Variants in RAB3IL1 observed in about 807,000 individuals in gnomAD.
RAB3IL1 encodes RAB3A interacting protein like 1.
A neutral mutation model predicts 49.2 loss-of-function variants in RAB3IL1; 37 were observed. The ratio of observed to expected loss-of-function variants is 0.75; its 90% CI spans 0.58 to 0.99. The LOEUF is 0.99. Ranked by LOEUF, RAB3IL1 falls within the 50% of genes least tolerant of loss-of-function variation. The probability of loss-of-function intolerance (pLI) is 0.00; values close to 1 mark genes in which losing one functional copy is unlikely to be tolerated. For synonymous variants in RAB3IL1, 193 were observed against 213.9 expected (o/e 0.90, Z 0.85); for missense variants, 484 against 513.0 (o/e 0.94, Z 0.55).
At chr11:61,942,166 G>A in the RAB3IL1 span, among the ~76,000 whole-genome samples, 11 of 152,208 alleles carry the variant, frequency 7.2e-5, no homozygotes, top group Middle Eastern at 3.4e-3. Flanking sequence ...AGCCATGATC[G>A]CACCACTGCA....
chr11:61,914,238 T>C (rs1164571766), intron 1 of RAB3IL1, among the ~76,000 whole-genome samples: 1 of 152,198 alleles, frequency 6.6e-6, no homozygotes, highest in Non-Finnish European at 1.5e-5. Context: ...TGATGGCCCC[T>C]ACAGCCCTGC....
At chr11:61,933,478 C>T in the RAB3IL1 span, among the ~76,000 whole-genome samples, 12 of 152,208 alleles carry the variant, frequency 7.9e-5, no homozygotes, top group South Asian at 1.7e-3. Flanking sequence ...TGATTTTGGA[C>T]ATCCTGGCCT....
chr11:61,919,724 C>T (rs1227320320), upstream of RAB3IL1, among the ~76,000 whole-genome samples: 1 of 152,220 alleles, frequency 6.6e-6, no homozygotes, highest in Admixed American at 6.5e-5. Flanking sequence ...CTCTATCTCC[C>T]TCTGCCTGCT....
chr11:61,930,142 T>G, the RAB3IL1 span, among the ~76,000 whole-genome samples: 1 of 151,994 alleles, frequency 6.6e-6, no homozygotes, highest in African/African-American at 2.4e-5. Flanking sequence ...GTGATACACC[T>G]GCCTCAGCCT....
the RAB3IL1 span, among the ~76,000 whole-genome samples, chr11:61,934,446 G>GTGTGTGTATATATATATATA: frequency 8.2e-5 from 2 of 24,406 alleles, no homozygotes; most frequent in South Asian, 4.6e-3. Flanking sequence ...GTGTGTGTGT[G>GTGTGTGTATATATATATATA]TATGTATATA....
At chr11:61,904,181 TGG>T (rs1417585980) in intron 7 of RAB3IL1, among the ~76,000 whole-genome samples, 2 of 152,082 alleles carry the variant, frequency 1.3e-5, no homozygotes, top group Non-Finnish European at 2.9e-5. Context: ...TGCTCCACCC[TGG>T]CTATTTTGTT....
rs1938978367 is a variant in RAB3IL1 at position 61,902,628 on chromosome 11, A to G, written c.900-87T>C. 3 of 1,235,514 alleles carry G rather than the reference A, an allele frequency of 2.4e-6. No homozygotes were observed. The East Asian group carries it at 7.7e-5, about 32-fold the overall frequency. The allele number at this position is 1,235,514 out of a possible 1,614,324, so 76.5% of individuals were successfully genotyped here. A position where few individuals can be genotyped will look rare whatever the true frequency, so the allele number is the denominator to read the frequency against. Reference sequence around the variant, plus strand: ...GCATACAGGGAAGATGCAGCAGCTGAGAGGATGCATGGGGAGGGGCAGGCC... The same window carrying G: ...GCATACAGGGAAGATGCAGCAGCTGGGAGGATGCATGGGGAGGGGCAGGCC... On this transcript the variant is annotated intron_variant, in intron 7 of 9. Transcript: ENST00000394836.
chr11:61,934,662 T>TTG, the RAB3IL1 span, among the ~76,000 whole-genome samples: 1 of 150,778 alleles, frequency 6.6e-6, no homozygotes, highest in African/African-American at 2.4e-5. Context: ...GGTCCTAAAT[T>TTG]CCCACCTCTA....
chr11:61,935,859 T>A, the RAB3IL1 span, among the ~76,000 whole-genome samples: 4 of 151,184 alleles, frequency 2.6e-5, no homozygotes, highest in African/African-American at 9.7e-5. Flanking sequence ...AAGGAAACCA[T>A]GAGAACTATA....
At chr11:61,919,922 A>G (rs1475660236), upstream of RAB3IL1, 1 of 651,064 alleles carries the variant, frequency 1.5e-6, no homozygotes, top group African/African-American at 1.9e-5. Flanking sequence ...ACAGCCACCA[A>G]ATTGGACAAG....
chr11:61,932,894 C>G, the RAB3IL1 span, among the ~76,000 whole-genome samples: 3 of 151,922 alleles, frequency 2.0e-5, no homozygotes, highest in Non-Finnish European at 4.4e-5. Context: ...CCTCAGCCTC[C>G]TGAGTATCTA....
At chr11:61,940,103 C>T in the RAB3IL1 span, among the ~76,000 whole-genome samples, 1 of 152,164 alleles carries the variant, frequency 6.6e-6, no homozygotes, top group East Asian at 1.9e-4. Flanking sequence ...TATGATCGTA[C>T]CACTTCTCTC....
chr11:61,935,775 A>G, the RAB3IL1 span, among the ~76,000 whole-genome samples: 1 of 152,120 alleles, frequency 6.6e-6, no homozygotes. Flanking sequence ...TCGGCCTCCC[A>G]AAGTGCTGCG....
At chr11:61,907,331 C>T (rs545636338) in intron 4 of RAB3IL1, 62 bp downstream of exon 4, 8 of 1,560,086 alleles carry the variant, frequency 5.1e-6, no homozygotes, top group South Asian at 2.3e-5. Context: ...GCTCAGTGCT[C>T]GCTGAGCCGG....
At position 61,904,743 on chromosome 11, in the gene RAB3IL1, C is replaced by A. The variant is rs1402822342; in HGVS notation, c.786+11G>T. On this transcript the variant is annotated intron_variant, in intron 6 of 9. Transcript: ENST00000394836. ...TGTCCCCCAGCTGGCCCCGCCCCTGCCATGCCTCACCTCCTGCATTGTGAA... is the reference window on the plus strand; with the variant it reads ...TGTCCCCCAGCTGGCCCCGCCCCTGACATGCCTCACCTCCTGCATTGTGAA... The A allele has an allele frequency of 2.3e-5, 37 of 1,596,842 alleles. No homozygotes were observed. Among genetic ancestry groups the A allele is most frequent in the Non-Finnish European group, 3.1e-5 (36 of 1,172,204 alleles).
chr11:61,909,707 C>A (rs368345678), intron 1 of RAB3IL1, among the ~76,000 whole-genome samples: 1 of 152,232 alleles, frequency 6.6e-6, no homozygotes, highest in African/African-American at 2.4e-5. Context: ...AAGGGTTCCC[C>A]GCAGCCTGAG....
the RAB3IL1 span, among the ~76,000 whole-genome samples, chr11:61,934,450 GTATATATATA>G: frequency 5.8e-3 from 184 of 31,622 alleles, 4 homozygotes; most frequent in East Asian, 0.036. Flanking sequence ...GTGTGTGTAT[GTATATATATA>G]TATATATATA....
At chr11:61,917,834 C>G (rs1181128659), upstream of RAB3IL1, among the ~76,000 whole-genome samples, 1 of 152,136 alleles carries the variant, frequency 6.6e-6, no homozygotes, top group African/African-American at 2.4e-5. Flanking sequence ...CAATGGCTCC[C>G]GAGCTCTCAG....
Position 61,917,410 on chromosome 11 carries a change from C to G in RAB3IL1, c.-43G>C. On this transcript the variant is annotated 5_prime_UTR_variant, in exon 1 of 10. Transcript: ENST00000394836. ...CCCAGGCGTCCGTTCCCAGCGCCGCCGCGTCCTCCCAGCGCCGCGTCCCCG... is the reference window on the plus strand; with the variant it reads ...CCCAGGCGTCCGTTCCCAGCGCCGCGGCGTCCTCCCAGCGCCGCGTCCCCG... 1 of 1,218,670 alleles carries G rather than the reference C, an allele frequency of 8.2e-7. No individual in the cohort carries two copies. The highest frequency in any genetic ancestry group is 1.0e-6 in the Non-Finnish European group (1 of 981,672). The allele number at this position is 1,218,670 out of a possible 1,614,324, so 75.5% of individuals were successfully genotyped here. A position where few individuals can be genotyped will look rare whatever the true frequency, so the allele number is the denominator to read the frequency against.
Sources: allele counts gnomAD v4.1 joint callset (sites outside exome capture counted in the v4.1 genomes callset), GRCh38; gene constraint gnomAD v4.1.1; transcripts MANE v1.5; gene names NCBI Gene and HGNC (gene_info 2026-07-23, HGNC 2026-07-21).